Variants in COL5A2 observed in about 807,000 individuals in gnomAD.
The protein encoded by COL5A2 is collagen alpha-2(V) chain.
Under a neutral mutation model 208.2 loss-of-function variants are expected in COL5A2, and 23 were observed. The ratio of observed to expected loss-of-function variants is 0.11; its 90% confidence interval spans 0.08 to 0.16. The LOEUF is 0.16. COL5A2 is among the 10% of genes least tolerant of loss of function. The pLI, the probability that COL5A2 is intolerant of heterozygous loss-of-function variation, is 1.00. For synonymous variants in COL5A2, 625 were observed against 628.5 expected (o/e 0.99, Z 0.08); for missense variants, 1,590 against 1,956.4 (o/e 0.81, Z 3.53).
chr2:189,158,912 C>A (rs1439336583), intron 1 of COL5A2, among the ~76,000 whole-genome samples: 5 of 152,020 alleles, frequency 3.3e-5, no homozygotes, highest in Non-Finnish European at 5.9e-5. Flanking sequence ...TTGAAACTTC[C>A]CAAGGTCAGG....
At chr2:189,044,386 G>T (rs542566126) in intron 47 of COL5A2, among the ~76,000 whole-genome samples, 3 of 152,174 alleles carry the variant, frequency 2.0e-5, no homozygotes, top group South Asian at 4.1e-4. Flanking sequence ...TGTTCGAAAG[G>T]TTCTTTTATT....
chr2:189,411,528 G>GAACACA, the COL5A2 span, among the ~76,000 whole-genome samples: 1 of 152,072 alleles, frequency 6.6e-6, no homozygotes, highest in Non-Finnish European at 1.5e-5. Context: ...TCACATGGTT[G>GAACACA]GAAATCTATG....
At chr2:189,222,383 G>A (rs1047257376) in intron 1 of COL5A2, among the ~76,000 whole-genome samples, 6 of 152,074 alleles carry the variant, frequency 3.9e-5, no homozygotes, top group African/African-American at 1.4e-4. Flanking sequence ...AATCATTTTA[G>A]AAACAATACT....
chr2:189,045,264 A>T (rs753559173), intron 46 of COL5A2, 32 bp from the exon 47 acceptor site: 5 of 1,523,594 alleles, frequency 3.3e-6, no homozygotes, highest in Non-Finnish European at 1.8e-6. Context: ...AAAAATTGGC[A>T]TGTAAAAAAG....
chr2:189,251,208 C>T, the COL5A2 span, among the ~76,000 whole-genome samples: 1 of 151,920 alleles, frequency 6.6e-6, no homozygotes, highest in African/African-American at 2.4e-5. Context: ...GAAAAATATC[C>T]TCTAATAATC....
the COL5A2 span, among the ~76,000 whole-genome samples, chr2:189,337,119 C>A: frequency 2.6e-5 from 4 of 152,112 alleles, no homozygotes; most frequent in East Asian, 3.9e-4. Flanking sequence ...TGCACACAAG[C>A]ATACACATTC....
the COL5A2 span, among the ~76,000 whole-genome samples, chr2:189,436,333 T>C: frequency 2.6e-5 from 4 of 151,914 alleles, no homozygotes; most frequent in African/African-American, 9.7e-5. Context: ...GAAACTACCA[T>C]CAGAGTGAAC....
chr2:189,333,702 T>C, the COL5A2 span, among the ~76,000 whole-genome samples: 1 of 151,996 alleles, frequency 6.6e-6, no homozygotes, highest in African/African-American at 2.4e-5. Context: ...AAATCACAGA[T>C]ATACACAGAG....
the COL5A2 span, among the ~76,000 whole-genome samples, chr2:189,302,865 T>C: frequency 6.6e-6 from 1 of 152,148 alleles, no homozygotes; most frequent in East Asian, 1.9e-4. Flanking sequence ...AAGGAACTCT[T>C]ACTTTACTTC....
the COL5A2 span, among the ~76,000 whole-genome samples, chr2:189,319,241 G>A: frequency 0.95 from 145,312 of 152,348 alleles, 69,693 homozygotes; most frequent in East Asian, 1. Context: ...AGCGTGAGCG[G>A]CGCAGAAGAT....
the COL5A2 span, among the ~76,000 whole-genome samples, chr2:189,383,123 T>C: frequency 1.8e-4 from 28 of 152,322 alleles, no homozygotes; most frequent in African/African-American, 6.5e-4. Flanking sequence ...GGTTTCTGTA[T>C]TACAGTAGTT....
At chr2:189,057,588 T>A (rs1685929281) in intron 33 of COL5A2, among the ~76,000 whole-genome samples, 161 bp from the exon 34 acceptor site, 1 of 152,216 alleles carries the variant, frequency 6.6e-6, no homozygotes, top group African/African-American at 2.4e-5. Flanking sequence ...GAGTTGATAT[T>A]TTGAAATTAA....
At chr2:189,271,497 A>G in the COL5A2 span, among the ~76,000 whole-genome samples, 1 of 152,214 alleles carries the variant, frequency 6.6e-6, no homozygotes, top group Non-Finnish European at 1.5e-5. Context: ...CACCATATAC[A>G]AAAATTAACT....
chr2:189,204,207 AT>A (rs1689116276), intron 1 of COL5A2, among the ~76,000 whole-genome samples: 1 of 152,132 alleles, frequency 6.6e-6, no homozygotes, highest in Admixed American at 6.5e-5. Flanking sequence ...AGAATGAAGC[AT>A]TTTCACATAA....
At chr2:189,301,529 A>G in the COL5A2 span, among the ~76,000 whole-genome samples, 123 of 152,282 alleles carry the variant, frequency 8.1e-4, no homozygotes, top group African/African-American at 2.9e-3. Context: ...ATTACACCAA[A>G]TTTACAAATC....
At chr2:189,071,189 T>C (rs1449642432) in intron 18 of COL5A2, among the ~76,000 whole-genome samples, 1 of 152,110 alleles carries the variant, frequency 6.6e-6, no homozygotes, top group Non-Finnish European at 1.5e-5. Flanking sequence ...CTCAACAAAA[T>C]TCCATGAGAA....
intron 1 of COL5A2, among the ~76,000 whole-genome samples, chr2:189,176,482 C>T (rs1304814947): frequency 6.6e-6 from 1 of 152,074 alleles, no homozygotes; most frequent in African/African-American, 2.4e-5. Flanking sequence ...CTGCACCTTC[C>T]CTTCTCCATT....
the COL5A2 span, among the ~76,000 whole-genome samples, chr2:189,418,942 AGTAT>A: frequency 1.3e-5 from 2 of 152,192 alleles, no homozygotes; most frequent in Non-Finnish European, 2.9e-5. Context: ...ATACAGATAA[AGTAT>A]GACTTAGTGG....
intron 5 of COL5A2, among the ~76,000 whole-genome samples, chr2:189,098,382 T>A (rs1686965608): frequency 6.6e-6 from 1 of 152,256 alleles, no homozygotes; most frequent in Non-Finnish European, 1.5e-5. Context: ...CAGATAAAAC[T>A]AGCCTACCAT....
Sources: gnomAD v4.1 joint callset for allele counts (sites outside exome capture counted in the v4.1 genomes callset) on GRCh38, gnomAD v4.1.1 for gene constraint, MANE v1.5 for transcripts, NCBI Gene and HGNC (gene_info 2026-07-23, HGNC 2026-07-21) for gene names.